RCAN1: variants seen among roughly 807,000 people sequenced by gnomAD.
RCAN1 encodes regulator of calcineurin 1, also known as calcipressin-1.
Under a neutral mutation model 22.9 loss-of-function variants are expected in RCAN1, and 11 were observed. That is an observed-to-expected ratio of 0.48 (90% confidence interval 0.30 to 0.79). The LOEUF (loss-of-function observed/expected upper bound fraction) is 0.79. RCAN1 is among the 30% of genes least tolerant of loss of function. RCAN1 has a pLI of 0.06. For missense variants in RCAN1, 291 were observed against 337.8 expected, an observed-to-expected ratio of 0.86 and a Z score of 1.09; for synonymous variants, 136 against 142.3, an observed-to-expected ratio of 0.96 and a Z score of 0.32.
chr21:34,532,806 C>A (rs1468359321), intron 1 of RCAN1, among the ~76,000 whole-genome samples: 2 of 152,100 alleles, frequency 1.3e-5, no homozygotes, highest in African/African-American at 4.8e-5. Context: ...GAAGTGTAAA[C>A]CCTGCCACTA....
At chr21:34,591,631 TAGAGCTCACA>T (rs1987977402) in intron 1 of RCAN1, among the ~76,000 whole-genome samples, 1 of 152,200 alleles carries the variant, frequency 6.6e-6, no homozygotes, top group Admixed American at 6.5e-5. Context: ...TAAGACTAAA[TAGAGCTCACA>T]TTAAGTCTCT....
At chr21:34,584,861 A>T (rs776690335) in intron 1 of RCAN1, among the ~76,000 whole-genome samples, 9 of 152,196 alleles carry the variant, frequency 5.9e-5, no homozygotes, top group Non-Finnish European at 1.2e-4. Context: ...AACAAAATTA[A>T]ATATACACTA....
Position 34,614,951 on chromosome 21 carries a change from C to T in RCAN1, c.61G>A (p.Glu21Lys), listed in dbSNP as rs1340595497. 8.5e-7 allele frequency: 1 copy of T among 1,176,900 alleles called. No individual in the cohort carries two copies. Among genetic ancestry groups the T allele is most frequent in the South Asian group, 3.6e-5 (1 of 27,490 alleles). 72.9% of individuals were successfully genotyped at this position (1,176,900 alleles called of 1,614,324 possible). A position where few individuals can be genotyped will look rare whatever the true frequency, so the allele number is the denominator to read the frequency against. ...GTCACCCCGGGCCGCGCTCGCGCCT[C>T]GGCCGCCTCCGCCGCCTCCGCCGCG... Reference protein sequence around the residue: ...GAAAEAAEAAEARARPGVTLR... With the variant: ...GAAAEAAEAAKARARPGVTLR... The change falls in exon 1 of 4, where the codon GAG becomes AAG. Residue 21 changes from glutamate to lysine, a missense_variant. By Grantham distance (56) the Glu-to-Lys change is moderately conservative (BLOSUM62 1). Transcript: ENST00000313806. This position sits in a 1 kb window ranked among gnomAD's most constrained non-coding sequence, Gnocchi z 6.0.
chr21:34,535,378 T>C (rs1029392584), intron 1 of RCAN1, among the ~76,000 whole-genome samples: 1 of 151,170 alleles, frequency 6.6e-6, no homozygotes, highest in African/African-American at 2.4e-5. Context: ...CACAGGGAAG[T>C]GGTATAAAGC....
chr21:34,530,627 T>TGTTG (rs72007592), intron 1 of RCAN1, among the ~76,000 whole-genome samples: 14 of 80,050 alleles, frequency 1.7e-4, no homozygotes, highest in African/African-American at 8.6e-4. Flanking sequence ...TTTTTTTTTT[T>TGTTG]TTTTTTTTTT....
At chr21:34,568,696 G>A (rs75461847) in intron 1 of RCAN1, among the ~76,000 whole-genome samples, 2,821 of 152,306 alleles carry the variant, frequency 0.019, 79 homozygotes, top group African/African-American at 0.059. Context: ...AGCAGGCAGC[G>A]TGCACTTGGG....
At chr21:34,560,996 G>T (rs947445169) in intron 1 of RCAN1, among the ~76,000 whole-genome samples, 2 of 152,158 alleles carry the variant, frequency 1.3e-5, no homozygotes, top group African/African-American at 4.8e-5. Flanking sequence ...GATCATGGGG[G>T]TGGTTTCCCT....
At chr21:34,613,834 A>G (rs962255617) in intron 1 of RCAN1, 3 of 1,477,996 alleles carry the variant, frequency 2.0e-6, no homozygotes, top group Non-Finnish European at 2.7e-6. Flanking sequence ...GCAGCCTTCA[A>G]CTATAGTTCA....
At position 34,521,048 on chromosome 21, in the gene RCAN1, C is replaced by T. The variant is rs997221547; in HGVS notation, c.586+451G>A. ...TGGCCTATGGTTCTCCTTCCCTTTT[C>T]CTTTAAGAAGGCCAGGTGAGAATCA... On this transcript the variant is annotated intron_variant, in intron 3 of 3. Coordinates refer to ENST00000313806, the MANE Select transcript of RCAN1 (RefSeq NM_004414.7). The T allele has an allele frequency of 4.5e-5, 53 of 1,178,366 alleles. No individual in the cohort carries two copies. The Admixed American group carries it at 1.3e-3, about 30-fold the overall frequency. The allele number at this position is 1,178,366 out of a possible 1,614,324, so 73.0% of individuals were successfully genotyped here. A position where few individuals can be genotyped will look rare whatever the true frequency, so the allele number is the denominator to read the frequency against.
At chr21:34,607,258 T>C (rs926441127) in intron 1 of RCAN1, among the ~76,000 whole-genome samples, 14 of 152,230 alleles carry the variant, frequency 9.2e-5, no homozygotes, top group Admixed American at 5.9e-4. Flanking sequence ...AAGTGTTCCA[T>C]GTTAAACTAT....
At chr21:34,611,635 G>C (rs572385619) in intron 1 of RCAN1, among the ~76,000 whole-genome samples, 22 of 152,148 alleles carry the variant, frequency 1.4e-4, no homozygotes, top group Non-Finnish European at 2.6e-4. Context: ...GGGACGGCCA[G>C]ACCCCCAGGG....
intron 1 of RCAN1, among the ~76,000 whole-genome samples, chr21:34,529,796 T>C (rs1985274908): frequency 6.6e-6 from 1 of 152,174 alleles, no homozygotes; most frequent in African/African-American, 2.4e-5. Flanking sequence ...TTGAATTGTA[T>C]CTCCCAGAAT....
chr21:34,614,888 C>T lies in RCAN1; in HGVS notation c.124G>A (p.Ala42Thr). 6.9e-7 allele frequency: 1 copy of T among 1,444,048 alleles called. No individual in the cohort carries two copies. The allele number at this position is 1,444,048 out of a possible 1,614,324, so 89.5% of individuals were successfully genotyped here. A position where few individuals can be genotyped will look rare whatever the true frequency, so the allele number is the denominator to read the frequency against. The part of the protein sequence containing the change: ...PFAPLSGAAE[A>T]DEGGGDWSFI... ...CTCCAGTCGCCGCCGCCCTCGTCCGCCTCGGCCGCCCCCGAGAGGGGCGCG... is the reference window on the plus strand; with the variant it reads ...CTCCAGTCGCCGCCGCCCTCGTCCGTCTCGGCCGCCCCCGAGAGGGGCGCG... The change falls in exon 1 of 4, where the codon GCG becomes ACG. Residue 42 changes from alanine (A) to threonine (T), a missense_variant. Transcript: ENST00000313806. The surrounding 1 kb of genome is among the most constrained non-coding windows in gnomAD (Gnocchi z 6.0).
In RCAN1 at chr21:34,533,010, G is replaced by C. The variant is rs60280604; in HGVS notation, c.253-9300C>G. 3.2e-4 allele frequency among the ~76,000 whole-genome samples: 48 copies of C among 151,106 alleles called. 2 individuals carry two copies. The East Asian group carries it at 6.6e-3, about 21-fold the overall frequency. On this transcript the variant is annotated intron_variant, in intron 1 of 3. Coordinates refer to ENST00000313806, the MANE Select transcript of RCAN1 (RefSeq NM_004414.7). ...GAGTCTTGCTCTGTCGCCCAGGCTG[G>C]AGTGCAGTGGCACTATCTCGGCTCA...
intron 1 of RCAN1, among the ~76,000 whole-genome samples, chr21:34,605,198 A>T (rs1988484034): frequency 6.6e-6 from 1 of 152,246 alleles, no homozygotes; most frequent in Non-Finnish European, 1.5e-5. Context: ...GAATAAAAGC[A>T]GGCAGAAGAA....
At chr21:34,535,760 C>T (rs1985638847) in intron 1 of RCAN1, among the ~76,000 whole-genome samples, 1 of 151,832 alleles carries the variant, frequency 6.6e-6, no homozygotes, top group Non-Finnish European at 1.5e-5. Context: ...TGATTTATGC[C>T]AGTGACCAAA....
chr21:34,525,471 A>G, intron 1 of RCAN1: 1 of 1,253,704 alleles, frequency 8.0e-7, no homozygotes, highest in Non-Finnish European at 1.1e-6. Context: ...AGTTTCTGGC[A>G]AAAGTGTGTC....
intron 3 of RCAN1, among the ~76,000 whole-genome samples, chr21:34,520,291 C>G (rs1382652825): frequency 6.6e-6 from 1 of 152,174 alleles, no homozygotes; most frequent in Non-Finnish European, 1.5e-5. Context: ...CTGTGGACAC[C>G]TCTTTGCAAG....
At chr21:34,607,380 C>T (rs569506857) in intron 1 of RCAN1, among the ~76,000 whole-genome samples, 2 of 151,628 alleles carry the variant, frequency 1.3e-5, no homozygotes, top group Non-Finnish European at 2.9e-5. Flanking sequence ...GTCAGGGATC[C>T]GTTTGGATTT....
Sources: gnomAD v4.1 joint callset for allele counts (sites outside exome capture counted in the v4.1 genomes callset) on GRCh38, gnomAD v4.1.1 for gene constraint, Gnocchi (gnomAD v3.1) non-coding constraint, MANE v1.5 for transcripts, NCBI Gene and HGNC (gene_info 2026-07-23, HGNC 2026-07-21) for gene names.